The following DFFB variants were observed in gnomAD, a reference collection of about 807,000 sequenced individuals.
DFFB encodes the protein DNA fragmentation factor subunit beta.
DFFB carries 29 observed loss-of-function variants against 32.7 expected under a neutral mutation model. That is an observed-to-expected ratio of 0.89 (90% CI 0.66 to 1.21). DFFB has a LOEUF of 1.21. Ranked by LOEUF, DFFB falls within the 50% of genes most tolerant of loss-of-function variation. DFFB has a pLI of 0.00. For missense variants in DFFB, 398 were observed against 440.6 expected (o/e 0.90, Z 0.87); for synonymous variants, 170 against 177.1 (o/e 0.96, Z 0.32).
chr1:3,885,382 C>T lies in DFFB; in HGVS notation c.*1641C>T, dbSNP rs2124778815. 1 of 152,182 alleles carries T rather than the reference C, an allele frequency of 6.6e-6. No homozygotes were observed. Among genetic ancestry groups the T allele is most frequent in the Non-Finnish European group, 1.5e-5 (1 of 68,008 alleles). The allele number at this position is 152,182 out of a possible 1,614,324, so 9.4% of individuals were successfully genotyped here. ...TCATTTTGTAATATTTGAATTTTTA[C>T]ATTTGTTGTACAATCAGGAAAAGCA... On this transcript the variant is annotated 3_prime_UTR_variant, in exon 7 of 7. Transcript: ENST00000378209.
intron 6 of DFFB, among the ~76,000 whole-genome samples, chr1:3,880,702 C>T (rs1645319199): frequency 6.6e-6 from 1 of 152,126 alleles, no homozygotes; most frequent in Admixed American, 6.5e-5. Context: ...GTGGAGCCTT[C>T]TGCTGCTGTG....
rs367900103 is a variant in DFFB, at chr1:3,883,630, G to A, written c.906G>A (p.Val302=). The A allele has an allele frequency of 1.2e-4, 197 of 1,613,968 alleles. No homozygotes were observed. Among genetic ancestry groups the A allele is most frequent in the Non-Finnish European group, 1.6e-4 (183 of 1,180,036 alleles). Residue 302 remains valine, a synonymous_variant, in exon 7 of 7, where the codon GTG becomes GTA. Transcript: ENST00000378209. The part of the protein sequence containing the change: ...LLFTSENLKL[V]HIVCHKKTTH... The stretch of plus-strand genomic sequence containing the variant: ...TTACCTCAGAGAACCTAAAACTAGT[G>A]CACATTGTCTGCCATAAGAAAACCA...
At chr1:3,863,731 G>A (rs1644921199) in intron 2 of DFFB, among the ~76,000 whole-genome samples, 1 of 152,110 alleles carries the variant, frequency 6.6e-6, no homozygotes, top group African/African-American at 2.4e-5. Context: ...AAGTCAAGAA[G>A]CCTGCACATA....
chr1:3,859,004 G>A (rs1465532625), intron 2 of DFFB, 160 bp downstream of exon 2: 5 of 1,025,848 alleles, frequency 4.9e-6, no homozygotes, highest in East Asian at 2.7e-5. Flanking sequence ...GGTCAGCGTC[G>A]CTTAGGTGGC....
At chr1:3,860,516 A>C (rs1457848080) in intron 2 of DFFB, 6 of 420,660 alleles carry the variant, frequency 1.4e-5, no homozygotes, top group Non-Finnish European at 2.5e-5. Context: ...GGTATGAGCC[A>C]CTGTGCCTGG....
intron 5 of DFFB, among the ~76,000 whole-genome samples, chr1:3,872,242 G>A (rs564146668): frequency 3.6e-4 from 55 of 152,270 alleles, no homozygotes; most frequent in African/African-American, 9.1e-4. Context: ...GTGAAACCCT[G>A]TCTCTACTGA....
intron 2 of DFFB, among the ~76,000 whole-genome samples, chr1:3,862,987 A>T (rs1162476028): frequency 1.3e-5 from 2 of 152,150 alleles, no homozygotes; most frequent in African/African-American, 4.8e-5. Flanking sequence ...CGTCTCTACT[A>T]AAAATACAAA....
At position 3,858,573 on chromosome 1, in the gene DFFB, G is replaced by A. The variant is rs59485899; in HGVS notation, c.115-145G>A. ...GCTCCCGCTCCCTCATCCTTGCCTG[G>A]GCGTTGGAGCGACTGTGGCATACAG... is the stretch of plus-strand genomic sequence containing the variant. On this transcript the variant is annotated intron_variant, in intron 1 of 6. Transcript: ENST00000378209. 0.01 allele frequency: 10,023 copies of A among 998,892 alleles called. 409 individuals carry two copies. In the East Asian group the frequency reaches 0.11, roughly 11 times the overall value. 61.9% of individuals were successfully genotyped at this position (998,892 alleles called of 1,614,324 possible).
chr1:3,883,647 A>G lies in DFFB; in HGVS notation c.923A>G (p.Lys308Arg), dbSNP rs1039636072. The stretch of plus-strand genomic sequence containing the variant: ...AAACTAGTGCACATTGTCTGCCATA[A>G]GAAAACCACCCACAAGCTCAACTGT... ...NLKLVHIVCH[K>R]KTTHKLNCDP... The change falls in exon 7 of 7, where the codon AAG becomes AGG. Residue 308 changes from lysine (K) to arginine (R), a missense_variant. Transcript: ENST00000378209. The G allele has an allele frequency of 6.8e-6, 11 of 1,614,156 alleles. No homozygotes were observed. The highest frequency in any genetic ancestry group is 9.3e-6 in the Non-Finnish European group (11 of 1,180,040).
At chr1:3,862,249 G>A (rs530107250) in intron 2 of DFFB, among the ~76,000 whole-genome samples, 1 of 152,320 alleles carries the variant, frequency 6.6e-6, no homozygotes, top group Non-Finnish European at 1.5e-5. Flanking sequence ...CCATGTTCAT[G>A]GATTGGAAAA....
chr1:3,884,616 G>C lies in DFFB; in HGVS notation c.*875G>C, dbSNP rs983536450. 1.3e-5 allele frequency: 2 copies of C among 152,140 alleles called. No individual in the cohort carries two copies. The highest frequency in any genetic ancestry group is 4.8e-5 in the African/African-American group (2 of 41,382). 9.4% of individuals were successfully genotyped at this position (152,140 alleles called of 1,614,324 possible). A position where few individuals can be genotyped will look rare whatever the true frequency, so the allele number is the denominator to read the frequency against. The stretch of plus-strand genomic sequence containing the variant: ...GACAGGGTCTCACTCTGTCGCTCAG[G>C]CTGGAGTGCAGTGATGCAATCTTGG... On this transcript the variant is annotated 3_prime_UTR_variant, in exon 7 of 7. Coordinates refer to ENST00000378209, the MANE Select transcript of DFFB (RefSeq NM_004402.4).
rs773718457 is a variant in DFFB at position 3,865,947 on chromosome 1, T to C, written c.377T>C (p.Val126Ala). 2 of 1,604,668 alleles carry C rather than the reference T, an allele frequency of 1.2e-6. No individual in the cohort carries two copies. Among genetic ancestry groups the C allele is most frequent in the Non-Finnish European group, 1.7e-6 (2 of 1,173,506 alleles). ...CTGCTGGCTGACCTCCTGCACAACG[T>C]CAGCCAGAACATCGCGGCCGAGACC... ...QRLLADLLHN[V>A]SQNIAAETRA... Residue 126 changes from valine to alanine, a missense_variant, in exon 3 of 7, where the codon GTC becomes GCC. Val to Ala is a moderately conservative substitution (Grantham distance 64). Coordinates refer to ENST00000378209, the MANE Select transcript of DFFB (RefSeq NM_004402.4). The surrounding 1 kb of genome is among the most constrained non-coding windows in gnomAD (Gnocchi z 4.7).
In DFFB at chr1:3,867,800, C is replaced by A. The variant is rs920154634; in HGVS notation, c.431-174C>A. On this transcript the variant is annotated intron_variant, in intron 3 of 6. Transcript: ENST00000378209. ...CCCAGGAGGTTAAGGCTGTAGTAAG[C>A]TGTGTTCGTGCCACTGTACTCCAGC... is the stretch of plus-strand genomic sequence containing the variant. The A allele has an allele frequency of 7.6e-6, 5 of 655,130 alleles. No individual in the cohort carries two copies. In the African/African-American group the frequency reaches 9.0e-5, roughly 12 times the overall value. 40.6% of individuals were successfully genotyped at this position (655,130 alleles called of 1,614,324 possible).
chr1:3,859,682 G>A (rs1048841611), intron 2 of DFFB, among the ~76,000 whole-genome samples: 12 of 152,198 alleles, frequency 7.9e-5, no homozygotes, highest in Admixed American at 1.3e-4. Flanking sequence ...CAGCATTGAG[G>A]GGTGACGCCT....
chr1:3,858,989 G>C (rs576633971), intron 2 of DFFB, 145 bp downstream of exon 2: 2 of 1,231,334 alleles, frequency 1.6e-6, no homozygotes, highest in Admixed American at 5.4e-5. Context: ...TCTGGAGGCA[G>C]AACTGGTCAG....
At chr1:3,871,723 G>GT (rs1471273006) in intron 5 of DFFB, among the ~76,000 whole-genome samples, 2 of 152,254 alleles carry the variant, frequency 1.3e-5, no homozygotes, top group African/African-American at 4.8e-5. Flanking sequence ...GAAATAGAGA[G>GT]TGGGTAATTT....
rs1638281068 is a variant in DFFB at position 3,884,103 on chromosome 1, C to G, written c.*362C>G. On this transcript the variant is annotated 3_prime_UTR_variant, in exon 7 of 7. Transcript: ENST00000378209. Reference sequence around the variant, plus strand: ...TTCACCATGTTGGTCAGGCTGGTCTCAAACTCCTGACCTCAGGTGATCCGC... The same window carrying G: ...TTCACCATGTTGGTCAGGCTGGTCTGAAACTCCTGACCTCAGGTGATCCGC... 3.7e-6 allele frequency: 1 copy of G among 269,092 alleles called. No individual in the cohort carries two copies. Among genetic ancestry groups the G allele is most frequent in the African/African-American group, 2.2e-5 (1 of 44,648 alleles). 16.7% of individuals were successfully genotyped at this position (269,092 alleles called of 1,614,324 possible). A position where few individuals can be genotyped will look rare whatever the true frequency, so the allele number is the denominator to read the frequency against.
chr1:3,868,627 AGG>A, intron 4 of DFFB, among the ~76,000 whole-genome samples: 1 of 151,980 alleles, frequency 6.6e-6, no homozygotes, highest in East Asian at 1.9e-4. Context: ...ACACCACACC[AGG>A]CCACACCACA....
intron 1 of DFFB, 77 bp from the exon 2 acceptor site, chr1:3,858,641 T>A: frequency 6.5e-7 from 1 of 1,535,520 alleles, no homozygotes; most frequent in Non-Finnish European, 8.8e-7. Context: ...CTCATTCCGG[T>A]CGTTTGTGAG....
Sources: allele counts gnomAD v4.1 joint callset (sites outside exome capture counted in the v4.1 genomes callset), GRCh38; gene constraint gnomAD v4.1.1; non-coding constraint Gnocchi (gnomAD v3.1); transcripts MANE v1.5; gene names NCBI Gene and HGNC (gene_info 2026-07-23, HGNC 2026-07-21).